The following KREMEN1 variants were observed in gnomAD, a reference collection of about 807,000 sequenced individuals.
KREMEN1 encodes kremen protein 1.
Under a neutral mutation model 46.5 loss-of-function variants are expected in KREMEN1, and 30 were observed. The observed-to-expected ratio is 0.65, with a 90% CI of 0.48 to 0.88. KREMEN1 has a LOEUF of 0.88. Ranked by LOEUF, KREMEN1 falls within the 40% of genes least tolerant of loss-of-function variation. The pLI, the probability that KREMEN1 is intolerant of heterozygous loss-of-function variation, is 0.00. For synonymous variants in KREMEN1, 214 were observed against 230.6 expected (o/e 0.93, Z 0.65); for missense variants, 533 against 596.9 (o/e 0.89, Z 1.11).
chr22:29,108,248 T>C (rs182254722), intron 3 of KREMEN1, among the ~76,000 whole-genome samples: 12 of 152,324 alleles, frequency 7.9e-5, no homozygotes, highest in African/African-American at 2.4e-4. Context: ...GATTGCGCCA[T>C]TGCACTTTAG....
downstream of KREMEN1, among the ~76,000 whole-genome samples, chr22:29,148,603 C>T (rs1054190364): frequency 6.6e-6 from 1 of 151,810 alleles, no homozygotes; most frequent in East Asian, 1.9e-4. Context: ...TACAGGCGCC[C>T]GCCACCACGC....
intron 3 of KREMEN1, among the ~76,000 whole-genome samples, chr22:29,117,318 A>G (rs781681893): frequency 2.0e-5 from 3 of 152,240 alleles, no homozygotes; most frequent in Non-Finnish European, 4.4e-5. Flanking sequence ...CTGTAATCCC[A>G]GCACTTTGGG....
chr22:29,102,401 C>T (rs979582429), intron 3 of KREMEN1, among the ~76,000 whole-genome samples: 2 of 152,198 alleles, frequency 1.3e-5, no homozygotes, highest in African/African-American at 4.8e-5. Context: ...AAATGAAAAA[C>T]ATCTCATTTG....
intron 3 of KREMEN1, among the ~76,000 whole-genome samples, chr22:29,115,129 G>A (rs1196289635): frequency 2.0e-5 from 3 of 152,100 alleles, no homozygotes; most frequent in Non-Finnish European, 4.4e-5. Context: ...AATGGCATTC[G>A]CAGCAACCTG....
At position 29,145,157 on chromosome 22, in the gene KREMEN1, GAGAA is replaced by G; in HGVS notation, c.*3051_*3054del. 2 of 986,046 alleles carry G rather than the reference GAGAA, an allele frequency of 2.0e-6. No homozygotes were observed. Among genetic ancestry groups the G allele is most frequent in the Non-Finnish European group, 2.4e-6 (2 of 830,222 alleles). The allele number at this position is 986,046 out of a possible 1,614,324, so 61.1% of individuals were successfully genotyped here. On this transcript the variant is annotated 3_prime_UTR_variant, in exon 9 of 9. Transcript: ENST00000400335. Reference sequence around the variant, plus strand: ...GGCCACTGCGGCTAGGTAAACACCTGAGAAAGAAACTGCTCCAGAAGAGATGACG... The same window carrying G: ...GGCCACTGCGGCTAGGTAAACACCTGAGAAACTGCTCCAGAAGAGATGACG...
chr22:29,140,457 G>A (rs1203526513), intron 8 of KREMEN1, 91 bp downstream of exon 8: 2 of 961,452 alleles, frequency 2.1e-6, no homozygotes, highest in East Asian at 4.9e-5. Flanking sequence ...TACAACTGTA[G>A]AATAAGCACA....
Position 29,142,726 on chromosome 22 carries a change from G to A in KREMEN1, c.*614G>A, listed in dbSNP as rs2038785285. 1 of 985,398 alleles carries A rather than the reference G, an allele frequency of 1.0e-6. No homozygotes were observed. 61.0% of individuals were successfully genotyped at this position (985,398 alleles called of 1,614,324 possible). ...GGGTGGGCCTCCTTCAGCCTGGGAG[G>A]GTCTGAGAATAAGATCTAGTGACCC... is the stretch of plus-strand genomic sequence containing the variant. On this transcript the variant is annotated 3_prime_UTR_variant, in exon 9 of 9. Coordinates refer to ENST00000400335, the MANE Select transcript of KREMEN1 (RefSeq NM_001039570.3).
intron 1 of KREMEN1, among the ~76,000 whole-genome samples, chr22:29,085,298 T>A (rs186593039): frequency 6.6e-6 from 1 of 152,350 alleles, no homozygotes; most frequent in African/African-American, 2.4e-5. Context: ...CCCACAATTA[T>A]TAACCATGGC....
intron 2 of KREMEN1, among the ~76,000 whole-genome samples, chr22:29,096,967 A>G (rs1316227553): frequency 1.3e-5 from 2 of 152,252 alleles, no homozygotes; most frequent in African/African-American, 4.8e-5. Context: ...AGTGATGGGA[A>G]TGCACTTTTC....
At chr22:29,152,549 C>T (rs923616184) in intron 9 of KREMEN1, among the ~76,000 whole-genome samples, 1 of 152,166 alleles carries the variant, frequency 6.6e-6, no homozygotes, top group Non-Finnish European at 1.5e-5. Context: ...CCCTTCTGTG[C>T]GCTGACTTAC....
intron 9 of KREMEN1, among the ~76,000 whole-genome samples, chr22:29,163,331 A>C (rs541503204): frequency 8.5e-5 from 13 of 152,178 alleles, no homozygotes; most frequent in African/African-American, 3.1e-4. Flanking sequence ...ACTGTGAGTC[A>C]ATTAAGCCTC....
intron 3 of KREMEN1, among the ~76,000 whole-genome samples, chr22:29,113,269 C>T (rs1165983204): frequency 6.6e-6 from 1 of 152,214 alleles, no homozygotes; most frequent in Admixed American, 6.5e-5. Context: ...ATCATCTGTC[C>T]TGCCTCCCTG....
chr22:29,114,527 G>C (rs1406257500), intron 3 of KREMEN1, among the ~76,000 whole-genome samples: 3 of 148,360 alleles, frequency 2.0e-5, no homozygotes, highest in Admixed American at 1.3e-4. Context: ...AGAAATCAGA[G>C]CTACATCTCC....
At chr22:29,108,614 G>A (rs185662350) in intron 3 of KREMEN1, among the ~76,000 whole-genome samples, 4 of 152,346 alleles carry the variant, frequency 2.6e-5, no homozygotes, top group East Asian at 3.9e-4. Context: ...ACTACCGTTA[G>A]TATGTCCCTG....
chr22:29,080,763 A>G (rs1207213702), intron 1 of KREMEN1, among the ~76,000 whole-genome samples: 1 of 152,112 alleles, frequency 6.6e-6, no homozygotes, highest in African/African-American at 2.4e-5. Flanking sequence ...ACTTGGAGAC[A>G]TTTTGGCTGT....
chr22:29,143,460 G>A lies in KREMEN1; in HGVS notation c.*1348G>A, dbSNP rs1420009932. The A allele has an allele frequency of 1.0e-6, 1 of 985,178 alleles. No individual in the cohort carries two copies. Among genetic ancestry groups the A allele is most frequent in the Non-Finnish European group, 1.2e-6 (1 of 830,016 alleles). 61.0% of individuals were successfully genotyped at this position (985,178 alleles called of 1,614,324 possible). On this transcript the variant is annotated 3_prime_UTR_variant, in exon 9 of 9. Coordinates refer to ENST00000400335, the MANE Select transcript of KREMEN1 (RefSeq NM_001039570.3). ...TGTTAAAAGATAAAAAACACCCCAA[G>A]GGCCGGGCGCGGTGGCTCATGCCTG...
intron 9 of KREMEN1, among the ~76,000 whole-genome samples, chr22:29,161,634 A>G (rs2039013273): frequency 6.6e-6 from 1 of 152,070 alleles, no homozygotes; most frequent in Admixed American, 6.6e-5. Context: ...GCTGCTACCA[A>G]TTCTACTGAA....
At chr22:29,137,288 G>A (rs538075010) in intron 5 of KREMEN1, 54 bp from the exon 6 acceptor site, 8 of 1,277,816 alleles carry the variant, frequency 6.3e-6, no homozygotes, top group East Asian at 5.2e-5. Context: ...TGTTGGAAGC[G>A]CGCCTGTGGC....
At chr22:29,138,565 G>T in intron 6 of KREMEN1, 59 bp from the exon 7 acceptor site, 2 of 1,522,798 alleles carry the variant, frequency 1.3e-6, no homozygotes, top group Non-Finnish European at 1.8e-6. Context: ...CTCTCCTCCC[G>T]CACAACTCTT....
Sources: gnomAD v4.1 joint callset for allele counts (sites outside exome capture counted in the v4.1 genomes callset) on GRCh38, gnomAD v4.1.1 for gene constraint, MANE v1.5 for transcripts, NCBI Gene and HGNC (gene_info 2026-07-23, HGNC 2026-07-21) for gene names.